The following UBR2 variants were observed in gnomAD, a reference collection of about 807,000 sequenced individuals.
UBR2 encodes ubiquitin protein ligase E3 component n-recognin 2, also known as E3 ubiquitin-protein ligase UBR2.
Under a neutral mutation model 247.9 loss-of-function variants are expected in UBR2, and 92 were observed. The ratio of observed to expected loss-of-function variants is 0.37; its 90% CI spans 0.31 to 0.44. The LOEUF is 0.44. Ranked by LOEUF, UBR2 falls within the 20% of genes least tolerant of loss-of-function variation. The pLI, the probability that UBR2 is intolerant of heterozygous loss-of-function variation, is 1.00. For synonymous variants in UBR2, 672 were observed against 693.5 expected (o/e 0.97, Z 0.49); for missense variants, 1,613 against 2,112.6 (o/e 0.76, Z 4.64).
chr6:42,663,577 G>A (rs750608630), intron 32 of UBR2, among the ~76,000 whole-genome samples, 158 bp downstream of exon 32: 1 of 152,304 alleles, frequency 6.6e-6, no homozygotes, highest in East Asian at 1.9e-4. Context: ...CCTGTGGAAT[G>A]TGATTTTAGT....
rs141857405 is a variant in UBR2 at position 42,666,239 on chromosome 6, G to A, written c.3875G>A (p.Arg1292His). 4.1e-4 allele frequency: 658 copies of A among 1,607,370 alleles called. 1 individual carries two copies. Among genetic ancestry groups the A allele is most frequent in the African/African-American group, 8.6e-4 (64 of 74,666 alleles). Residue 1292 changes from arginine to histidine, a missense_variant, in exon 34 of 47, where the codon CGT becomes CAT. Coordinates refer to ENST00000372901, the MANE Select transcript of UBR2 (RefSeq NM_001363705.2). Reference sequence around the variant, plus strand: ...CCTGAAGGGTTCAGGCCTGATTTTCGTCCTAAGTGAGTATATTATTTTACT... The same window carrying A: ...CCTGAAGGGTTCAGGCCTGATTTTCATCCTAAGTGAGTATATTATTTTACT... The part of the protein sequence containing the change: ...QLPEGFRPDF[R>H]PKIPYSESIK...
At chr6:42,647,535 G>A (rs1356870252) in intron 21 of UBR2, among the ~76,000 whole-genome samples, 1 of 151,868 alleles carries the variant, frequency 6.6e-6, no homozygotes. Flanking sequence ...GGTGGAGGTT[G>A]CAGTGAGCCA....
At chr6:42,671,140 G>C (rs1189520654) in intron 36 of UBR2, among the ~76,000 whole-genome samples, 2 of 145,656 alleles carry the variant, frequency 1.4e-5, no homozygotes, top group African/African-American at 2.6e-5. Context: ...AGCTGAGATT[G>C]TGCCATTGCA....
At chr6:42,621,991 T>C (rs1795017630) in intron 11 of UBR2, among the ~76,000 whole-genome samples, 2 of 152,086 alleles carry the variant, frequency 1.3e-5, no homozygotes, top group Non-Finnish European at 2.9e-5. Context: ...TACTTTATAG[T>C]TGTCATTATA....
At chr6:42,652,409 T>C in intron 24 of UBR2, 82 bp from the exon 25 acceptor site, 1 of 1,445,326 alleles carries the variant, frequency 6.9e-7, no homozygotes, top group Non-Finnish European at 9.3e-7. Context: ...ATTCTTTGAG[T>C]TAAAACTATC....
rs1292599255 is a variant in UBR2 at position 42,658,139 on chromosome 6, A to G, written c.2982+6A>G. On this transcript the variant is annotated splice_donor_region_variant and intron_variant, in intron 27 of 46. Coordinates refer to ENST00000372901, the MANE Select transcript of UBR2 (RefSeq NM_001363705.2). ...TGATTCGGTGGATATTGAAGGTAAA[A>G]TTTCCACATTCCTCTGCTTTTTGTG... 1.9e-6 allele frequency: 3 copies of G among 1,613,354 alleles called. No individual in the cohort carries two copies. In the African/African-American group the frequency reaches 4.0e-5, roughly 22 times the overall value.
chr6:42,642,614 C>G, intron 18 of UBR2, 133 bp downstream of exon 18: 1 of 670,762 alleles, frequency 1.5e-6, no homozygotes, highest in Non-Finnish European at 2.6e-6. Flanking sequence ...CAGCTCCAAA[C>G]TCATATGGCT....
intron 2 of UBR2, among the ~76,000 whole-genome samples, chr6:42,589,274 T>C (rs937424296): frequency 7.2e-5 from 11 of 152,332 alleles, no homozygotes; most frequent in South Asian, 6.2e-4. Context: ...AACTATCAGA[T>C]GCTTTTCTGT....
intron 25 of UBR2, among the ~76,000 whole-genome samples, 154 bp from the exon 26 acceptor site, chr6:42,655,467 G>GA (rs1319787927): frequency 1.4e-5 from 2 of 147,380 alleles, no homozygotes; most frequent in East Asian, 2.0e-4. Flanking sequence ...AAAAAAAAAA[G>GA]AAAAAAAAAT....
At position 42,654,437 on chromosome 6, in the gene UBR2, G is replaced by A. The variant is rs973539156; in HGVS notation, c.2770-1184G>A. On this transcript the variant is annotated intron_variant, in intron 25 of 46. Transcript: ENST00000372901. ...CACACATATCTCCTTCAAAATCTGG[G>A]GTGTGGGCCCGGCACAGTGGCTCAC... Among the ~76,000 whole-genome samples, 10 of 152,032 alleles carry A rather than the reference G, an allele frequency of 6.6e-5. No individual in the cohort carries two copies. In the East Asian group the frequency reaches 1.9e-3, roughly 29 times the overall value.
At chr6:42,596,816 A>G (rs571638895) in intron 4 of UBR2, among the ~76,000 whole-genome samples, 289 of 152,306 alleles carry the variant, frequency 1.9e-3, no homozygotes, top group African/African-American at 6.6e-3. Context: ...GGTAGTTGCC[A>G]GGGGCTGGGG....
chr6:42,641,978 T>C (rs898780342), intron 17 of UBR2, among the ~76,000 whole-genome samples: 2 of 152,138 alleles, frequency 1.3e-5, no homozygotes, highest in South Asian at 2.1e-4. Context: ...TCTATTTAAA[T>C]CAAATTGAAT....
intron 11 of UBR2, among the ~76,000 whole-genome samples, chr6:42,618,596 A>G (rs182505819): frequency 2.0e-5 from 3 of 152,338 alleles, no homozygotes; most frequent in East Asian, 1.9e-4. Flanking sequence ...ATGAGAAGGC[A>G]TTAAAGAATT....
chr6:42,618,202 T>G (rs1422875645), intron 11 of UBR2, among the ~76,000 whole-genome samples: 1 of 151,980 alleles, frequency 6.6e-6, no homozygotes, highest in Non-Finnish European at 1.5e-5. Flanking sequence ...TGAGAGAAAA[T>G]AACAAGAGAC....
Position 42,574,783 on chromosome 6 carries a change from C to T in UBR2, c.338+790C>T, listed in dbSNP as rs930153634. 5.3e-5 allele frequency among the ~76,000 whole-genome samples: 8 copies of T among 152,070 alleles called. No individual in the cohort carries two copies. The South Asian group carries it at 1.5e-3, about 28-fold the overall frequency. ...CGATCTCGGCTCACTGCAACCTCCA[C>T]CTGCCAGGTTCAAGTGATCCTTCTG... On this transcript the variant is annotated intron_variant, in intron 2 of 46. Transcript: ENST00000372901.
chr6:42,599,612 G>GT (rs869132410), intron 4 of UBR2, among the ~76,000 whole-genome samples: 5 of 86,452 alleles, frequency 5.8e-5, no homozygotes, highest in African/African-American at 1.6e-4. Context: ...TTGTTTGGGG[G>GT]TTTTTTTTGT....
At chr6:42,676,564 A>G (rs765588026) in intron 39 of UBR2, among the ~76,000 whole-genome samples, 2 of 152,174 alleles carry the variant, frequency 1.3e-5, no homozygotes, top group Non-Finnish European at 2.9e-5. Flanking sequence ...CTTTAAGACT[A>G]TATTTATTTG....
chr6:42,679,993 TTTG>T (rs1464914787), intron 42 of UBR2, among the ~76,000 whole-genome samples, 161 bp downstream of exon 42: 1 of 152,082 alleles, frequency 6.6e-6, no homozygotes, highest in Non-Finnish European at 1.5e-5. Context: ...TTTGTTTTGT[TTTG>T]TTTTGTTTTT....
intron 6 of UBR2, 77 bp downstream of exon 6, chr6:42,605,936 G>A: frequency 2.4e-6 from 3 of 1,264,908 alleles, no homozygotes; most frequent in Non-Finnish European, 3.3e-6. Flanking sequence ...GGAGAATTGA[G>A]TTAAAGATAT....
Sources: gnomAD v4.1 joint callset for allele counts (sites outside exome capture counted in the v4.1 genomes callset) on GRCh38, gnomAD v4.1.1 for gene constraint, MANE v1.5 for transcripts, NCBI Gene and HGNC (gene_info 2026-07-23, HGNC 2026-07-21) for gene names.